Variants in RPS19 observed in about 807,000 individuals in gnomAD.
RPS19 encodes the protein small ribosomal subunit protein eS19.
In RPS19, 1 loss-of-function variant was observed where a neutral mutation model predicts 20.3. The observed-to-expected ratio is 0.05, with a 90% confidence interval of 0.02 to 0.23. The LOEUF (loss-of-function observed/expected upper bound fraction) is 0.23. RPS19 is among the 10% of genes least tolerant of loss of function. The probability of loss-of-function intolerance (pLI) is 1.00; values close to 1 mark genes in which losing one functional copy is unlikely to be tolerated. For synonymous variants in RPS19, 87 were observed against 74.8 expected (o/e 1.16, Z -0.84); for missense variants, 111 against 192.7 (o/e 0.58, Z 2.51).
Position 41,871,451 on chromosome 19 carries a change from C to CT in RPS19, c.*75dup. On this transcript the variant is annotated 3_prime_UTR_variant, in exon 6 of 6. Coordinates refer to ENST00000598742, the MANE Select transcript of RPS19 (RefSeq NM_001022.4). The stretch of plus-strand genomic sequence containing the variant: ...GGGTCTCTTTTTTGAGTCTCTTGCT[C>CT]TGTCGCCCAGGCTGGAGTGCAGTGG... 1 of 1,377,658 alleles carries CT rather than the reference C, an allele frequency of 7.3e-7. No individual in the cohort carries two copies. The highest frequency in any genetic ancestry group is 1.2e-5 in the South Asian group (1 of 85,872). 85.3% of individuals were successfully genotyped at this position (1,377,658 alleles called of 1,614,324 possible). A position where few individuals can be genotyped will look rare whatever the true frequency, so the allele number is the denominator to read the frequency against.
intron 3 of RPS19, among the ~76,000 whole-genome samples, chr19:41,863,078 C>T (rs2074049588): frequency 6.6e-6 from 1 of 152,160 alleles, no homozygotes. Flanking sequence ...GGTTGGAGTG[C>T]AGTGGCACAA....
In RPS19 at chr19:41,871,508, C is replaced by T; in HGVS notation, c.*131C>T. ...CTCAGCTCACTGCAATCTCCGCCTT[C>T]TGGGTTCAAATGATTCTCCTGCCTC... is the stretch of plus-strand genomic sequence containing the variant. On this transcript the variant is annotated 3_prime_UTR_variant, in exon 6 of 6. Transcript: ENST00000598742. 1.0e-5 allele frequency: 8 copies of T among 786,942 alleles called. No homozygotes were observed. Among genetic ancestry groups the T allele is most frequent in the Non-Finnish European group, 6.6e-6 (3 of 457,290 alleles). 48.7% of individuals were successfully genotyped at this position (786,942 alleles called of 1,614,324 possible).
At chr19:41,867,282 TATA>T (rs1284469983) in intron 3 of RPS19, among the ~76,000 whole-genome samples, 1 of 149,746 alleles carries the variant, frequency 6.7e-6, no homozygotes, top group Non-Finnish European at 1.5e-5. Flanking sequence ...AAAAAAAAAG[TATA>T]ATATTTGCAT....
chr19:41,860,743 C>A lies in RPS19; in HGVS notation c.1-32C>A, dbSNP rs373298490. On this transcript the variant is annotated intron_variant, in intron 1 of 5. Coordinates refer to ENST00000598742, the MANE Select transcript of RPS19 (RefSeq NM_001022.4). The stretch of plus-strand genomic sequence containing the variant: ...GCTCTTGGCAGTCGTCTCTGCCAGG[C>A]CTGTGTTCACATGCTTGACTTTCTC... 9.1e-6 allele frequency: 14 copies of A among 1,542,400 alleles called. No homozygotes were observed. In the African/African-American group the frequency reaches 1.9e-4, roughly 21 times the overall value.
chr19:41,869,450 C>T (rs375391626), intron 4 of RPS19, among the ~76,000 whole-genome samples: 5 of 152,338 alleles, frequency 3.3e-5, no homozygotes, highest in African/African-American at 1.2e-4. Context: ...TTAGCCTGCT[C>T]GTTAACTTTT....
intron 3 of RPS19, among the ~76,000 whole-genome samples, chr19:41,865,675 G>A (rs531981727): frequency 5.9e-5 from 9 of 152,216 alleles, no homozygotes; most frequent in Admixed American, 2.0e-4. Flanking sequence ...GAGGCCCGGC[G>A]CGGTGGCTCA....
At chr19:41,871,187 G>A (rs782647732) in intron 5 of RPS19, among the ~76,000 whole-genome samples, 164 bp from the exon 6 acceptor site, 6 of 151,076 alleles carry the variant, frequency 4.0e-5, no homozygotes, top group Non-Finnish European at 5.9e-5. Flanking sequence ...CAGTTTCCAC[G>A]TCTGTGAAAT....
intron 5 of RPS19, 116 bp from the exon 6 acceptor site, chr19:41,871,235 G>T (rs1006787132): frequency 8.3e-6 from 7 of 840,710 alleles, no homozygotes; most frequent in Non-Finnish European, 1.5e-5. Context: ...TGAGATAGAT[G>T]CATTTGAAAC....
At chr19:41,869,830 T>C (rs944824453) in intron 5 of RPS19, 77 bp downstream of exon 5, 2 of 1,477,018 alleles carry the variant, frequency 1.4e-6, no homozygotes, top group African/African-American at 2.8e-5. Flanking sequence ...CTTTGTCAGG[T>C]AGACTTATTT....
chr19:41,863,450 C>T lies in RPS19; in HGVS notation c.172+2238C>T, dbSNP rs569043072. On this transcript the variant is annotated intron_variant, in intron 3 of 5. Transcript: ENST00000598742. ...CCTGGGAGGGCTTGGCAGGGTGGCT[C>T]TGTCCAAAACTAGGTTCCCTGCTAT... 8.5e-5 allele frequency among the ~76,000 whole-genome samples: 13 copies of T among 152,298 alleles called. No individual in the cohort carries two copies. In the East Asian group the frequency reaches 2.1e-3, roughly 25 times the overall value.
Position 41,861,092 on chromosome 19 carries a change from TC to T in RPS19, c.72-17del, listed in dbSNP as rs2074026180. 1 of 1,596,688 alleles carries T rather than the reference TC, an allele frequency of 6.3e-7. No individual in the cohort carries two copies. The highest frequency in any genetic ancestry group is 1.7e-5 in the Admixed American group (1 of 59,984). On this transcript the variant is annotated intron_variant, in intron 2 of 5. Coordinates refer to ENST00000598742, the MANE Select transcript of RPS19 (RefSeq NM_001022.4). ...TGTGGAGATGACTGAATCGTGCTTTTCCCACTGTTTTGGTCTTAGGTCCGGG... is the reference window on the plus strand; with the variant it reads ...TGTGGAGATGACTGAATCGTGCTTTTCCACTGTTTTGGTCTTAGGTCCGGG...
chr19:41,860,292 A>G lies in RPS19; in HGVS notation c.-1+3A>G, dbSNP rs921621645. 12 of 153,254 alleles carry G rather than the reference A, an allele frequency of 7.8e-5. No individual in the cohort carries two copies. The highest frequency in any genetic ancestry group is 5.9e-4 in the Admixed American group (9 of 15,292). 9.5% of individuals were successfully genotyped at this position (153,254 alleles called of 1,614,324 possible). On this transcript the variant is annotated splice_donor_region_variant and intron_variant, in intron 1 of 5. Coordinates refer to ENST00000598742, the MANE Select transcript of RPS19 (RefSeq NM_001022.4). Reference sequence around the variant, plus strand: ...GCTGGCAGCGCGGAGGCCGCACGGTAAGCGGGGGCTCCGAGCTGGACCGGG... The same window carrying G: ...GCTGGCAGCGCGGAGGCCGCACGGTGAGCGGGGGCTCCGAGCTGGACCGGG...
chr19:41,868,852 C>G (rs2074115151), intron 3 of RPS19, among the ~76,000 whole-genome samples, 179 bp from the exon 4 acceptor site: 1 of 150,354 alleles, frequency 6.7e-6, no homozygotes, highest in South Asian at 2.1e-4. Flanking sequence ...GGCTGTTTGT[C>G]AAGGAAGAGC....
Position 41,861,121 on chromosome 19 carries a change from G to T in RPS19, c.81G>T (p.Lys27Asn). The change falls in exon 3 of 6, where the codon AAG (lysine) becomes AAT (asparagine). Residue 27 changes from lysine to asparagine, a missense_variant. Lys to Asn is a moderately conservative substitution (Grantham distance 94). Coordinates refer to ENST00000598742, the MANE Select transcript of RPS19 (RefSeq NM_001022.4). ...ACTGTTTTGGTCTTAGGTCCGGGAAGCTGAAAGTCCCCGAATGGGTGGATA... is the reference window on the plus strand; with the variant it reads ...ACTGTTTTGGTCTTAGGTCCGGGAATCTGAAAGTCCCCGAATGGGTGGATA... ...ALAAFLKKSG[K>N]LKVPEWVDTV... 6.2e-7 allele frequency: 1 copy of T among 1,613,890 alleles called. No individual in the cohort carries two copies. Among genetic ancestry groups the T allele is most frequent in the Non-Finnish European group, 8.5e-7 (1 of 1,179,898 alleles).
intron 3 of RPS19, chr19:41,864,960 A>G (rs527503465): frequency 2.2e-3 from 339 of 152,334 alleles, no homozygotes; most frequent in African/African-American, 8.0e-3. Context: ...TGTGAAGTTA[A>G]TAACCCTTCC....
chr19:41,860,982 C>A (rs1600608404), intron 2 of RPS19, 130 bp from the exon 3 acceptor site: 1 of 1,104,372 alleles, frequency 9.1e-7, no homozygotes, highest in Non-Finnish European at 1.4e-6. Flanking sequence ...TGAGGCCTGG[C>A]TTGTGTTCCG....
chr19:41,860,414 C>A (rs1256270063), intron 1 of RPS19, 125 bp downstream of exon 1: 4 of 232,212 alleles, frequency 1.7e-5, no homozygotes, highest in Non-Finnish European at 2.5e-5. Flanking sequence ...AGAGCCGCGG[C>A]CACGTGCGAG....
rs2074159587 is a variant in RPS19, at chr19:41,872,468, CTG to C, written c.*1092_*1093del. The C allele has an allele frequency of 6.6e-6, 1 of 152,312 alleles. No homozygotes were observed. The highest frequency in any genetic ancestry group is 6.5e-5 in the Admixed American group (1 of 15,288). 9.4% of individuals were successfully genotyped at this position (152,312 alleles called of 1,614,324 possible). A position where few individuals can be genotyped will look rare whatever the true frequency, so the allele number is the denominator to read the frequency against. On this transcript the variant is annotated 3_prime_UTR_variant, in exon 6 of 6. Coordinates refer to ENST00000598742, the MANE Select transcript of RPS19 (RefSeq NM_001022.4). ...CACGTAACCCTGTGCACCTTATCCT[CTG>C]AGCCTTCGTCTCCTCGTGTGTAAGC...
At chr19:41,866,981 C>T (rs1203965056) in intron 3 of RPS19, among the ~76,000 whole-genome samples, 1 of 151,672 alleles carries the variant, frequency 6.6e-6, no homozygotes, top group Non-Finnish European at 1.5e-5. Flanking sequence ...TGCGCCACTG[C>T]ACTCCAGCCT....
Sources: gnomAD v4.1 joint callset for allele counts (sites outside exome capture counted in the v4.1 genomes callset) on GRCh38, gnomAD v4.1.1 for gene constraint, MANE v1.5 for transcripts, NCBI Gene and HGNC (gene_info 2026-07-23, HGNC 2026-07-21) for gene names.